The following MAP3K13 variants were observed in gnomAD, a reference collection of about 807,000 sequenced individuals.
The protein encoded by MAP3K13 is leucine zipper-bearing kinase.
MAP3K13 carries 52 observed loss-of-function variants against 104.0 expected under a neutral mutation model. That is an observed-to-expected ratio of 0.50 (90% confidence interval 0.40 to 0.63). MAP3K13 has a LOEUF of 0.63. MAP3K13 is among the 20% of genes least tolerant of loss of function. The pLI is 0.00. For missense variants in MAP3K13, 914 were observed against 1,218.5 expected (o/e 0.75, Z 3.72); for synonymous variants, 394 against 442.2 (o/e 0.89, Z 1.37).
chr3:185,462,900 T>C (rs936044314), intron 7 of MAP3K13, among the ~76,000 whole-genome samples: 2 of 152,366 alleles, frequency 1.3e-5, no homozygotes, highest in East Asian at 3.9e-4. Flanking sequence ...ACTTCAACCA[T>C]GTATTAGACA....
Position 185,473,412 on chromosome 3 carries a change from C to G in MAP3K13, c.2081C>G (p.Ser694Trp). 6.2e-7 allele frequency: 1 copy of G among 1,614,202 alleles called. No individual in the cohort carries two copies. Among genetic ancestry groups the G allele is most frequent in the South Asian group, 1.1e-5 (1 of 91,082 alleles). The change falls in exon 11 of 14, where the codon TCG (serine) becomes TGG (tryptophan). Residue 694 changes from serine to tryptophan, a missense_variant. This residue lies in a region of MAP3K13 where 583 missense variants were observed against 737.4 expected (regional missense o/e 0.79). Transcript: ENST00000265026. The surrounding 1 kb of genome is among the most constrained non-coding windows in gnomAD (Gnocchi z 4.9). Reference sequence around the variant, plus strand: ...CATGCTCAGAGACAGCTGCCCGGCTCGAGCCCTGACCTCATCTCCACAGCC... The same window carrying G: ...CATGCTCAGAGACAGCTGCCCGGCTGGAGCCCTGACCTCATCTCCACAGCC... ...SNHAQRQLPG[S>W]SPDLISTAMA... is the part of the protein sequence containing the mutation.
intron 2 of MAP3K13, among the ~76,000 whole-genome samples, chr3:185,331,833 G>A (rs1377269642): frequency 1.3e-5 from 2 of 152,058 alleles, no homozygotes; most frequent in Admixed American, 1.3e-4. Flanking sequence ...TATGTAGTAA[G>A]GAAATATAAA....
At chr3:185,391,067 C>T (rs1712023111) in intron 1 of MAP3K13, among the ~76,000 whole-genome samples, 1 of 152,030 alleles carries the variant, frequency 6.6e-6, no homozygotes, top group South Asian at 2.1e-4. Flanking sequence ...GATAAAATAC[C>T]CATAGCATAA....
At chr3:185,293,216 C>T (rs1395340988) in intron 2 of MAP3K13, 1 of 186,674 alleles carries the variant, frequency 5.4e-6, no homozygotes, top group African/African-American at 2.4e-5. Flanking sequence ...CTCCTGGGTT[C>T]AAGCGATTCT....
upstream of MAP3K13, among the ~76,000 whole-genome samples, chr3:185,359,037 T>C (rs1334782088): frequency 6.6e-6 from 1 of 152,190 alleles, no homozygotes; most frequent in Non-Finnish European, 1.5e-5. Flanking sequence ...AAAGATTTTG[T>C]ATTAGTCTGT....
intron 1 of MAP3K13, among the ~76,000 whole-genome samples, chr3:185,408,741 T>G (rs1006711046): frequency 6.6e-6 from 1 of 152,202 alleles, no homozygotes; most frequent in Non-Finnish European, 1.5e-5. Context: ...TATTTCTGAT[T>G]TGAAAACCTG....
chr3:185,433,340 G>A (rs1178608541), intron 2 of MAP3K13, among the ~76,000 whole-genome samples: 2 of 152,208 alleles, frequency 1.3e-5, no homozygotes, highest in Non-Finnish European at 2.9e-5. Context: ...CGCTGGGGAA[G>A]AGTAGCAGTG....
chr3:185,283,912 T>TTG (rs1456511957), intron 1 of MAP3K13, among the ~76,000 whole-genome samples: 69 of 148,332 alleles, frequency 4.7e-4, no homozygotes, highest in African/African-American at 1.7e-3. Context: ...TTTTTTTTTT[T>TTG]TTTTTCTGAG....
intron 2 of MAP3K13, among the ~76,000 whole-genome samples, chr3:185,321,126 A>G (rs1423609111): frequency 6.6e-6 from 1 of 151,562 alleles, no homozygotes; most frequent in African/African-American, 2.4e-5. Flanking sequence ...GCACACACAT[A>G]TACACATGTG....
intron 2 of MAP3K13, among the ~76,000 whole-genome samples, chr3:185,286,139 T>G (rs1019910545): frequency 6.6e-6 from 1 of 152,108 alleles, no homozygotes; most frequent in African/African-American, 2.4e-5. Flanking sequence ...ATTTTATTTT[T>G]TCTTTCTTCT....
At chr3:185,424,909 C>T (rs754968586) in intron 1 of MAP3K13, among the ~76,000 whole-genome samples, 1 of 152,132 alleles carries the variant, frequency 6.6e-6, no homozygotes, top group African/African-American at 2.4e-5. Flanking sequence ...ACTGCAGCCT[C>T]GATTTCCTGG....
intron 1 of MAP3K13, among the ~76,000 whole-genome samples, chr3:185,396,241 C>T (rs982486432): frequency 2.6e-5 from 4 of 151,910 alleles, no homozygotes; most frequent in East Asian, 2.0e-4. Flanking sequence ...CGTGGTGGTG[C>T]GCATCTGTAG....
chr3:185,298,918 G>C (rs1447608842), intron 2 of MAP3K13, among the ~76,000 whole-genome samples: 1 of 152,180 alleles, frequency 6.6e-6, no homozygotes, highest in Non-Finnish European at 1.5e-5. Flanking sequence ...GACATGTTTG[G>C]AAAATGTTGC....
intron 2 of MAP3K13, among the ~76,000 whole-genome samples, chr3:185,307,601 T>C (rs1721339253): frequency 7.9e-6 from 1 of 126,826 alleles, no homozygotes. Context: ...TGTAGTGCAA[T>C]GGTGTGATCT....
At chr3:185,339,045 C>T (rs111931799) in intron 2 of MAP3K13, among the ~76,000 whole-genome samples, 4 of 152,214 alleles carry the variant, frequency 2.6e-5, no homozygotes, top group East Asian at 3.9e-4. Flanking sequence ...CTAGGCTGGG[C>T]GTGGTGGCTG....
intron 4 of MAP3K13, among the ~76,000 whole-genome samples, chr3:185,447,088 G>T (rs1383640450): frequency 6.6e-6 from 1 of 152,106 alleles, no homozygotes; most frequent in East Asian, 1.9e-4. Context: ...AAGTGAGTTT[G>T]CCTTATACAT....
intron 10 of MAP3K13, among the ~76,000 whole-genome samples, chr3:185,472,560 G>T (rs1717866564): frequency 6.6e-6 from 1 of 152,080 alleles, no homozygotes; most frequent in African/African-American, 2.4e-5. Context: ...ATTTCTTTGG[G>T]ACGTTGTTCC....
chr3:185,314,603 C>G (rs1309956305), intron 2 of MAP3K13, among the ~76,000 whole-genome samples: 1 of 151,578 alleles, frequency 6.6e-6, no homozygotes, highest in Non-Finnish European at 1.5e-5. Flanking sequence ...GTGAGAGCAA[C>G]TCCACGTCTC....
At chr3:185,343,131 GTTTTA>G (rs1354362651) in intron 2 of MAP3K13, among the ~76,000 whole-genome samples, 1 of 152,138 alleles carries the variant, frequency 6.6e-6, no homozygotes, top group African/African-American at 2.4e-5. Flanking sequence ...AAATGCTCCA[GTTTTA>G]TATAGCATAT....
Sources: gnomAD v4.1 joint callset for allele counts (sites outside exome capture counted in the v4.1 genomes callset) on GRCh38, gnomAD v4.1.1 for gene constraint, gnomAD v4.1.1 regional missense constraint, Gnocchi (gnomAD v3.1) non-coding constraint, MANE v1.5 for transcripts, NCBI Gene and HGNC (gene_info 2026-07-23, HGNC 2026-07-21) for gene names.